The following MAST2 variants were observed in gnomAD, a reference collection of about 807,000 sequenced individuals.
MAST2 encodes microtubule-associated serine/threonine-protein kinase 2.
MAST2 carries 70 observed loss-of-function variants against 147.4 expected under a neutral mutation model. The observed-to-expected ratio is 0.47, with a 90% CI of 0.39 to 0.58. MAST2 has a LOEUF of 0.58. Ranked by LOEUF, MAST2 falls within the 20% of genes least tolerant of loss-of-function variation. The pLI, the probability that MAST2 is intolerant of heterozygous loss-of-function variation, is 0.00. For missense variants in MAST2, 2,080 were observed against 2,302.3 expected (o/e 0.90, Z 1.98); for synonymous variants, 869 against 896.8 (o/e 0.97, Z 0.55).
intron 3 of MAST2, among the ~76,000 whole-genome samples, chr1:45,842,418 C>T (rs1325076605): frequency 6.6e-6 from 1 of 152,188 alleles, no homozygotes; most frequent in Non-Finnish European, 1.5e-5. Flanking sequence ...TATCTAGCTG[C>T]AAAACCTGCC....
chr1:45,945,121 G>A (rs1164037719), intron 4 of MAST2, among the ~76,000 whole-genome samples: 1 of 152,066 alleles, frequency 6.6e-6, no homozygotes, highest in Non-Finnish European at 1.5e-5. Context: ...GCAACATAGT[G>A]AGATCTTGTC....
intron 4 of MAST2, among the ~76,000 whole-genome samples, chr1:45,923,811 T>C (rs1281749666): frequency 6.6e-6 from 1 of 152,234 alleles, no homozygotes; most frequent in Non-Finnish European, 1.5e-5. Context: ...GGGGTGGGAA[T>C]TGGTATTCCC....
intron 4 of MAST2, among the ~76,000 whole-genome samples, chr1:45,947,588 G>A (rs1658256005): frequency 6.6e-6 from 1 of 152,208 alleles, no homozygotes; most frequent in Admixed American, 6.5e-5. Flanking sequence ...AAGAGTAGAA[G>A]TGCTAGCCAG....
chr1:46,030,041 C>G, intron 20 of MAST2, 88 bp downstream of exon 20: 1 of 1,600,068 alleles, frequency 6.2e-7, no homozygotes, highest in East Asian at 2.2e-5. Context: ...TTGGGAGCAA[C>G]TTCTCAGGGC....
chr1:45,982,343 G>A (rs1644444128), intron 5 of MAST2, among the ~76,000 whole-genome samples: 1 of 152,280 alleles, frequency 6.6e-6, no homozygotes, highest in East Asian at 1.9e-4. Context: ...TACCAGTGAG[G>A]TGACTCGTAG....
chr1:45,996,510 T>C lies in MAST2; in HGVS notation c.593-1214T>C, dbSNP rs80255707. 3.0e-3 allele frequency among the ~76,000 whole-genome samples: 450 copies of C among 152,180 alleles called. 3 individuals are homozygous for C. The highest frequency in any genetic ancestry group is 0.021 in the East Asian group (109 of 5,184). ...AGATGGGGAGAGGTCATAACAGATA[T>C]CCCTGACACAGAGCATGGAAAACCC... On this transcript the variant is annotated intron_variant, in intron 5 of 28. Transcript: ENST00000361297.
intron 4 of MAST2, among the ~76,000 whole-genome samples, chr1:45,899,307 C>CT (rs770069959): frequency 0.017 from 1,848 of 108,014 alleles, 44 homozygotes; most frequent in African/African-American, 0.048. Context: ...CCTTTCTTTT[C>CT]TTTTTTTTTT....
chr1:45,826,820 C>CT (rs1410567316), intron 2 of MAST2, among the ~76,000 whole-genome samples: 1 of 151,922 alleles, frequency 6.6e-6, no homozygotes, highest in Admixed American at 6.6e-5. Flanking sequence ...TGTTTGCTTA[C>CT]TTTTTATTTT....
intron 15 of MAST2, among the ~76,000 whole-genome samples, chr1:46,025,094 G>A: frequency 6.6e-6 from 1 of 152,138 alleles, no homozygotes; most frequent in Middle Eastern, 3.2e-3. Flanking sequence ...TGAGCCAGGT[G>A]GATCACCTGA....
chr1:45,896,397 C>T (rs1354064513), intron 4 of MAST2, among the ~76,000 whole-genome samples: 2 of 152,084 alleles, frequency 1.3e-5, no homozygotes, highest in Non-Finnish European at 2.9e-5. Flanking sequence ...TGAAGAGATT[C>T]ATAGGGTGAG....
chr1:45,947,030 C>T (rs909024872), intron 4 of MAST2, among the ~76,000 whole-genome samples: 9 of 151,954 alleles, frequency 5.9e-5, no homozygotes, highest in African/African-American at 1.7e-4. Context: ...TAAGAAAGTC[C>T]GAGGGCAAAG....
At chr1:45,929,701 C>A (rs1384550240) in intron 4 of MAST2, among the ~76,000 whole-genome samples, 1 of 151,980 alleles carries the variant, frequency 6.6e-6, no homozygotes, top group East Asian at 1.9e-4. Context: ...CTGGAGTAGT[C>A]AGAGAAACGA....
intron 6 of MAST2, 81 bp downstream of exon 6, chr1:45,997,880 T>C: frequency 8.9e-7 from 1 of 1,118,432 alleles, no homozygotes; most frequent in Non-Finnish European, 1.4e-6. Context: ...ATTCCTCCTT[T>C]AAGTGTCACT....
chr1:45,937,892 A>T (rs1462478435), intron 4 of MAST2, among the ~76,000 whole-genome samples: 2 of 151,890 alleles, frequency 1.3e-5, no homozygotes, highest in Non-Finnish European at 2.9e-5. Flanking sequence ...TACTAAATTT[A>T]TATAATTATG....
chr1:45,893,130 A>G (rs1648121185), intron 4 of MAST2, among the ~76,000 whole-genome samples: 1 of 152,208 alleles, frequency 6.6e-6, no homozygotes, highest in South Asian at 2.1e-4. Context: ...AACTCCACTG[A>G]CCTAGAAGGT....
In MAST2 at chr1:46,034,664, C is replaced by T; in HGVS notation, c.3995C>T (p.Ser1332Phe). The T allele has an allele frequency of 6.2e-7, 1 of 1,614,196 alleles. No homozygotes were observed. The highest frequency in any genetic ancestry group is 8.5e-7 in the Non-Finnish European group (1 of 1,180,028). ...CCCAAGCTCCAACGCCAGTACCGCT[C>T]TCCACGGCGCAAGTCAGCAGGCAGC... is the stretch of plus-strand genomic sequence containing the variant. ...LAPKLQRQYRSPRRKSAGSIP... is the reference protein window; with the variant it reads ...LAPKLQRQYRFPRRKSAGSIP... Residue 1332 changes from serine to phenylalanine, a missense_variant, in exon 29 of 29, where the codon TCT becomes TTT. Physicochemically the swap from Ser to Phe is radical, Grantham distance 155 (BLOSUM62 -2). Transcript: ENST00000361297.
chr1:45,915,051 C>T (rs978697821), intron 4 of MAST2, among the ~76,000 whole-genome samples: 2 of 152,156 alleles, frequency 1.3e-5, no homozygotes, highest in South Asian at 2.1e-4. Flanking sequence ...GGGATCCTTC[C>T]ACCTCAGCAG....
chr1:46,023,703 T>G lies in MAST2; in HGVS notation c.1572-69T>G. The stretch of plus-strand genomic sequence containing the variant: ...TTAATTAAGGTGTGAGAGAAGGCAG[T>G]TTGGGTGGCAGAGAGCACAGCTCAG... On this transcript the variant is annotated intron_variant, in intron 14 of 28. Transcript: ENST00000361297. The surrounding 1 kb of genome is among the most constrained non-coding windows in gnomAD (Gnocchi z 4.9). 1 of 1,437,432 alleles carries G rather than the reference T, an allele frequency of 7.0e-7. No homozygotes were observed. The highest frequency in any genetic ancestry group is 9.6e-7 in the Non-Finnish European group (1 of 1,039,454). 89.0% of individuals were successfully genotyped at this position (1,437,432 alleles called of 1,614,324 possible). A position where few individuals can be genotyped will look rare whatever the true frequency, so the allele number is the denominator to read the frequency against.
chr1:45,856,087 T>G (rs1557836989), intron 3 of MAST2, among the ~76,000 whole-genome samples: 1 of 152,190 alleles, frequency 6.6e-6, no homozygotes, highest in Non-Finnish European at 1.5e-5. Flanking sequence ...TAATTTTTAT[T>G]TATTTGCCTC....
Sources: gnomAD v4.1 joint callset for allele counts (sites outside exome capture counted in the v4.1 genomes callset) on GRCh38, gnomAD v4.1.1 for gene constraint, Gnocchi (gnomAD v3.1) non-coding constraint, MANE v1.5 for transcripts, NCBI Gene and HGNC (gene_info 2026-07-23, HGNC 2026-07-21) for gene names.